PRKN: variants seen among roughly 807,000 people sequenced by gnomAD.
PRKN encodes E3 ubiquitin-protein ligase parkin.
PRKN carries 56 observed loss-of-function variants against 59.5 expected under a neutral mutation model. The observed-to-expected ratio is 0.94, with a 90% CI of 0.76 to 1.18. PRKN has a LOEUF of 1.18. Among genes scored for constraint, PRKN ranks in the 50% most tolerant of loss-of-function variants. PRKN has a pLI of 0.00. For missense variants in PRKN, 657 were observed against 596.4 expected (o/e 1.10, Z -1.06); for synonymous variants, 250 against 222.1 (o/e 1.13, Z -1.12).
intron 1 of PRKN, among the ~76,000 whole-genome samples, chr6:162,467,470 C>T (rs1047569189): frequency 5.3e-5 from 8 of 152,242 alleles, no homozygotes; most frequent in East Asian, 1.9e-4. Context: ...GAATGAATAG[C>T]TCATGATAAA....
At chr6:161,425,050 T>C (rs1204034004) in intron 9 of PRKN, among the ~76,000 whole-genome samples, 1 of 152,140 alleles carries the variant, frequency 6.6e-6, no homozygotes, top group African/African-American at 2.4e-5. Context: ...TTTCTGTGAA[T>C]TGGTGTGGAG....
At chr6:161,572,694 A>C (rs1336898329) in intron 7 of PRKN, among the ~76,000 whole-genome samples, 1 of 149,510 alleles carries the variant, frequency 6.7e-6, no homozygotes, top group African/African-American at 2.4e-5. Flanking sequence ...AAATAACCCA[A>C]GTGAATATTT....
At chr6:161,761,953 C>T (rs1251742492) in intron 7 of PRKN, among the ~76,000 whole-genome samples, 2 of 152,092 alleles carry the variant, frequency 1.3e-5, no homozygotes, top group Non-Finnish European at 2.9e-5. Flanking sequence ...GGACATTTGG[C>T]CTAGGGAGGT....
At chr6:162,548,894 A>G (rs891340942) in intron 1 of PRKN, among the ~76,000 whole-genome samples, 10 of 152,234 alleles carry the variant, frequency 6.6e-5, no homozygotes, top group Non-Finnish European at 1.0e-4. Flanking sequence ...CACTCCCCTT[A>G]TCTTCCTGCT....
At chr6:161,754,410 G>A (rs1388111692) in intron 7 of PRKN, among the ~76,000 whole-genome samples, 2 of 152,038 alleles carry the variant, frequency 1.3e-5, no homozygotes, top group African/African-American at 2.4e-5. Context: ...AAAAACACGC[G>A]GGGCATCCAG....
At chr6:162,084,819 G>A (rs1779190264) in intron 4 of PRKN, among the ~76,000 whole-genome samples, 1 of 151,830 alleles carries the variant, frequency 6.6e-6, no homozygotes, top group Non-Finnish European at 1.5e-5. Context: ...TATGATCCAA[G>A]CAAAGTTCAA....
At chr6:162,431,734 G>T (rs1369248894) in intron 2 of PRKN, among the ~76,000 whole-genome samples, 1 of 152,054 alleles carries the variant, frequency 6.6e-6, no homozygotes, top group African/African-American at 2.4e-5. Context: ...ATAAGAGATG[G>T]TCCACTACAT....
intron 1 of PRKN, among the ~76,000 whole-genome samples, chr6:162,475,163 A>C (rs564944630): frequency 6.6e-6 from 1 of 152,322 alleles, no homozygotes; most frequent in East Asian, 1.9e-4. Context: ...CAGGCAAGAA[A>C]AATTATTCAA....
At chr6:162,604,640 C>T (rs905427607) in intron 1 of PRKN, among the ~76,000 whole-genome samples, 6 of 151,416 alleles carry the variant, frequency 4.0e-5, no homozygotes, top group South Asian at 2.1e-4. Flanking sequence ...TGTGTCAGCT[C>T]GTGTGTGACA....
chr6:162,132,644 G>A (rs1039886137), intron 4 of PRKN, among the ~76,000 whole-genome samples: 3 of 152,134 alleles, frequency 2.0e-5, no homozygotes, highest in Admixed American at 6.6e-5. Flanking sequence ...TCCAATAAGA[G>A]GTGGTGACCA....
At chr6:161,774,080 C>T (rs1014254522) in intron 7 of PRKN, among the ~76,000 whole-genome samples, 2 of 152,022 alleles carry the variant, frequency 1.3e-5, no homozygotes, top group Non-Finnish European at 2.9e-5. Context: ...AAAAGATGAC[C>T]GAACAGACAG....
At chr6:162,100,238 T>C (rs1779911293) in intron 4 of PRKN, among the ~76,000 whole-genome samples, 2 of 152,168 alleles carry the variant, frequency 1.3e-5, no homozygotes, top group Admixed American at 6.5e-5. Flanking sequence ...GCAAAGGACA[T>C]GGGAGTGCAG....
chr6:161,420,270 TA>T (rs1233184710), intron 9 of PRKN, among the ~76,000 whole-genome samples: 1 of 149,826 alleles, frequency 6.7e-6, no homozygotes, highest in East Asian at 1.9e-4. Flanking sequence ...CTTGATAAAG[TA>T]AAAAACCCTG....
In PRKN at chr6:161,826,683, T is replaced by C. The variant is rs905120653; in HGVS notation, c.735-40775A>G. ...TTTTTGAATCATGCCAAAACAAAGA[T>C]TGAATCTGGCAGAGGCTTTAACCCA... On this transcript the variant is annotated intron_variant, in intron 6 of 11. Coordinates refer to ENST00000366898, the MANE Select transcript of PRKN (RefSeq NM_004562.3). 9.9e-5 allele frequency among the ~76,000 whole-genome samples: 15 copies of C among 152,170 alleles called. 1 individual carries two copies. Among genetic ancestry groups the C allele is most frequent in the East Asian group, 5.8e-4 (3 of 5,192 alleles).
intron 5 of PRKN, among the ~76,000 whole-genome samples, chr6:162,007,571 G>A (rs147977776): frequency 5.9e-5 from 9 of 152,234 alleles, no homozygotes; most frequent in African/African-American, 2.2e-4. Context: ...CACTTAAACC[G>A]TTGATGGCAG....
At chr6:161,655,419 G>C (rs1304499931) in intron 7 of PRKN, among the ~76,000 whole-genome samples, 2 of 149,120 alleles carry the variant, frequency 1.3e-5, no homozygotes, top group Non-Finnish European at 3.0e-5. Flanking sequence ...GGCCCACCCA[G>C]GCTCTCACCA....
intron 6 of PRKN, among the ~76,000 whole-genome samples, chr6:161,972,375 T>C (rs951736921): frequency 1.5e-4 from 23 of 152,308 alleles, no homozygotes; most frequent in African/African-American, 5.5e-4. Flanking sequence ...GTAACGAAGC[T>C]AATTTCTTTT....
chr6:162,387,601 G>T (rs868722631), intron 2 of PRKN, among the ~76,000 whole-genome samples: 3 of 140,218 alleles, frequency 2.1e-5, no homozygotes, highest in Non-Finnish European at 4.6e-5. Flanking sequence ...GAGAGAGAGA[G>T]AGAGAGAAAT....
intron 3 of PRKN, among the ~76,000 whole-genome samples, chr6:162,216,446 C>T (rs1289391744): frequency 1.4e-5 from 2 of 140,122 alleles, no homozygotes; most frequent in Admixed American, 7.8e-5. Flanking sequence ...AGGAGAATGG[C>T]GTGAACCCGG....
Sources: gnomAD v4.1 joint callset for allele counts (sites outside exome capture counted in the v4.1 genomes callset) on GRCh38, gnomAD v4.1.1 for gene constraint, MANE v1.5 for transcripts, NCBI Gene and HGNC (gene_info 2026-07-23, HGNC 2026-07-21) for gene names.